The following GRM8 variants were observed in gnomAD, a reference collection of about 807,000 sequenced individuals.
GRM8 encodes the protein metabotropic glutamate receptor 8.
A neutral mutation model predicts 87.2 loss-of-function variants in GRM8; 47 were observed. The observed-to-expected ratio is 0.54, with a 90% CI of 0.43 to 0.69. GRM8 has a LOEUF of 0.69. Among genes scored for constraint, GRM8 ranks in the 30% least tolerant of loss-of-function variants. The pLI, the probability that GRM8 is intolerant of heterozygous loss-of-function variation, is 0.00. For missense variants in GRM8, 1,019 were observed against 1,139.2 expected (o/e 0.89, Z 1.52); for synonymous variants, 396 against 404.5 (o/e 0.98, Z 0.25).
At chr7:126,553,745 G>A (rs574667454) in intron 8 of GRM8, among the ~76,000 whole-genome samples, 2 of 152,214 alleles carry the variant, frequency 1.3e-5, no homozygotes, top group South Asian at 2.1e-4. Flanking sequence ...ACAAAATATG[G>A]TTTCACTGCA....
chr7:127,109,804 C>T (rs1444473845), intron 2 of GRM8, among the ~76,000 whole-genome samples: 1 of 152,156 alleles, frequency 6.6e-6, no homozygotes, highest in Admixed American at 6.5e-5. Context: ...AAATTTAATA[C>T]AGCTTCTTCC....
intron 7 of GRM8, among the ~76,000 whole-genome samples, chr7:126,763,107 AC>A (rs59761737): frequency 6.7e-6 from 1 of 149,956 alleles, no homozygotes; most frequent in East Asian, 1.9e-4. Context: ...TTGACACAAC[AC>A]CCCCCCAATG....
At chr7:127,053,686 G>GCTA (rs1819696867) in intron 3 of GRM8, among the ~76,000 whole-genome samples, 4 of 150,768 alleles carry the variant, frequency 2.7e-5, no homozygotes, top group Admixed American at 6.6e-5. Flanking sequence ...TACTCAGGAG[G>GCTA]CTGAGGCAGG....
At chr7:126,788,420 A>AAAAAACAAAACAAAACAAAAAAC in intron 6 of GRM8, among the ~76,000 whole-genome samples, 6 of 81,138 alleles carry the variant, frequency 7.4e-5, no homozygotes, top group African/African-American at 2.8e-4. Flanking sequence ...AAAAAAAAAA[A>AAAAAACAAAACAAAACAAAAAAC]AAACCCTTTC....
chr7:127,069,386 A>T (rs1019517307), intron 3 of GRM8, among the ~76,000 whole-genome samples: 3 of 151,738 alleles, frequency 2.0e-5, no homozygotes, highest in Non-Finnish European at 4.4e-5. Flanking sequence ...CTGGTCTCTG[A>T]CTCCTGGCCT....
At chr7:126,523,700 G>T (rs1813372768) in intron 9 of GRM8, among the ~76,000 whole-genome samples, 1 of 152,010 alleles carries the variant, frequency 6.6e-6, no homozygotes, top group South Asian at 2.1e-4. Flanking sequence ...GTATCGCCAG[G>T]TTGGCCAGGC....
intron 6 of GRM8, among the ~76,000 whole-genome samples, chr7:126,849,921 C>T (rs999390441): frequency 1.3e-5 from 2 of 152,192 alleles, no homozygotes; most frequent in African/African-American, 4.8e-5. Context: ...CCCCTCTCTA[C>T]TGGATTGTTT....
intron 9 of GRM8, among the ~76,000 whole-genome samples, chr7:126,513,059 TACC>T (rs1214565330): frequency 6.6e-6 from 1 of 152,160 alleles, no homozygotes; most frequent in African/African-American, 2.4e-5. Context: ...TTCCTATCAT[TACC>T]ACTTTTCTGG....
intron 2 of GRM8, among the ~76,000 whole-genome samples, chr7:127,238,033 C>G (rs1429120055): frequency 1.3e-5 from 2 of 151,928 alleles, no homozygotes; most frequent in Non-Finnish European, 2.9e-5. Flanking sequence ...TTCCAAAGAC[C>G]CTCTCCTTTT....
In GRM8 at chr7:126,669,313, A is replaced by G. The variant is rs184890719; in HGVS notation, c.1358-59815T>C. Reference sequence around the variant, plus strand: ...ACAAACCTACACATTCTGCACATGTATCCTGGAACTAAAGTAAAATTAAAA... The same window carrying G: ...ACAAACCTACACATTCTGCACATGTGTCCTGGAACTAAAGTAAAATTAAAA... On this transcript the variant is annotated intron_variant, in intron 7 of 10. Coordinates refer to ENST00000339582, the MANE Select transcript of GRM8 (RefSeq NM_000845.3). 6.8e-3 allele frequency among the ~76,000 whole-genome samples: 1,030 copies of G among 152,268 alleles called. 5 individuals carry two copies. Among genetic ancestry groups the G allele is most frequent in the Non-Finnish European group, 0.01 (682 of 68,012 alleles).
intron 7 of GRM8, among the ~76,000 whole-genome samples, chr7:126,769,609 A>G (rs1181247476): frequency 1.3e-5 from 2 of 151,876 alleles, no homozygotes; most frequent in East Asian, 3.9e-4. Flanking sequence ...TCTCTTCAAT[A>G]GTGATATTTA....
chr7:127,010,753 A>G (rs934372778), intron 3 of GRM8, among the ~76,000 whole-genome samples: 1 of 152,090 alleles, frequency 6.6e-6, no homozygotes, highest in Admixed American at 6.6e-5. Flanking sequence ...ATGCTTATCA[A>G]TCACTCAGTA....
intron 9 of GRM8, among the ~76,000 whole-genome samples, chr7:126,515,750 C>T (rs1458259923): frequency 6.6e-6 from 1 of 152,112 alleles, no homozygotes; most frequent in East Asian, 1.9e-4. Flanking sequence ...ACTGACTCTT[C>T]TGCCTCCCTC....
intron 7 of GRM8, among the ~76,000 whole-genome samples, chr7:126,714,233 G>A (rs539266669): frequency 6.9e-4 from 103 of 150,074 alleles, no homozygotes; most frequent in Non-Finnish European, 1.2e-3. Flanking sequence ...AGCCTAGATC[G>A]TGCCACTCTA....
intron 9 of GRM8, among the ~76,000 whole-genome samples, chr7:126,518,322 A>G (rs1389265280): frequency 6.6e-6 from 1 of 152,110 alleles, no homozygotes; most frequent in East Asian, 1.9e-4. Context: ...TTTGAATGAC[A>G]AACAAGAAGT....
intron 3 of GRM8, among the ~76,000 whole-genome samples, chr7:126,999,294 A>G (rs886552245): frequency 6.6e-6 from 1 of 151,968 alleles, no homozygotes; most frequent in African/African-American, 2.4e-5. Context: ...TTACTATAAG[A>G]AAACATTGGG....
intron 6 of GRM8, among the ~76,000 whole-genome samples, chr7:126,826,540 G>A (rs1325505108): frequency 6.6e-6 from 1 of 152,112 alleles, no homozygotes; most frequent in Non-Finnish European, 1.5e-5. Context: ...GTCTGTTCAT[G>A]TCCTTCGCCC....
intron 8 of GRM8, among the ~76,000 whole-genome samples, chr7:126,582,601 G>T (rs1795713623): frequency 6.6e-6 from 1 of 152,192 alleles, no homozygotes. Context: ...GACTTCCATT[G>T]CTAGAAAGAA....
intron 3 of GRM8, among the ~76,000 whole-genome samples, chr7:126,966,567 A>G (rs1028892700): frequency 6.6e-6 from 1 of 152,246 alleles, no homozygotes; most frequent in Non-Finnish European, 1.5e-5. Context: ...AGAGAGAAAG[A>G]GAGAAATATA....
Sources: gnomAD v4.1 joint callset for allele counts (sites outside exome capture counted in the v4.1 genomes callset) on GRCh38, gnomAD v4.1.1 for gene constraint, MANE v1.5 for transcripts, NCBI Gene and HGNC (gene_info 2026-07-23, HGNC 2026-07-21) for gene names.